The following PACRG variants were observed in gnomAD, a reference collection of about 807,000 sequenced individuals.
PACRG encodes parkin coregulated.
PACRG carries 29 observed loss-of-function variants against 29.7 expected under a neutral mutation model. That is an observed-to-expected ratio of 0.98 (90% confidence interval 0.73 to 1.33). The LOEUF (loss-of-function observed/expected upper bound fraction) is 1.33, where lower values mean the gene tolerates loss of function less well. Ranked by LOEUF, PACRG falls within the 40% of genes most tolerant of loss-of-function variation. The pLI is 0.00. For missense variants in PACRG, 279 were observed against 316.2 expected, an observed-to-expected ratio of 0.88 and a Z score of 0.89; for synonymous variants, 116 against 118.7, an observed-to-expected ratio of 0.98 and a Z score of 0.15.
intron 2 of PACRG, among the ~76,000 whole-genome samples, chr6:163,060,373 T>TAGTA (rs1206720159): frequency 6.6e-6 from 1 of 152,144 alleles, no homozygotes; most frequent in African/African-American, 2.4e-5. Context: ...ATTGGGCCTT[T>TAGTA]AGGACCTAAG....
intron 1 of PACRG, among the ~76,000 whole-genome samples, chr6:162,755,462 G>A (rs1460210931): frequency 6.6e-6 from 1 of 151,658 alleles, no homozygotes; most frequent in Non-Finnish European, 1.5e-5. Context: ...TTGAGACAGA[G>A]TCTTGCTCTG....
chr6:163,108,420 G>A (rs1208332639), intron 4 of PACRG, among the ~76,000 whole-genome samples: 18 of 107,496 alleles, frequency 1.7e-4, no homozygotes, highest in Non-Finnish European at 2.0e-4. Context: ...TTTTTTTGAC[G>A]GTGTTGCTCT....
intron 2 of PACRG, among the ~76,000 whole-genome samples, chr6:162,918,410 A>G (rs975740605): frequency 5.9e-5 from 9 of 152,228 alleles, no homozygotes; most frequent in Admixed American, 1.3e-4. Context: ...TGTTCTCATC[A>G]ATTTTAAGGA....
chr6:163,235,215 T>C (rs560958658), intron 4 of PACRG, among the ~76,000 whole-genome samples: 1 of 152,314 alleles, frequency 6.6e-6, no homozygotes, highest in South Asian at 2.1e-4. Flanking sequence ...CATTTCCTGC[T>C]GCTCTCTAAT....
intron 4 of PACRG, chr6:163,166,241 T>G (rs1451965115): frequency 4.4e-6 from 2 of 454,710 alleles, no homozygotes; most frequent in Non-Finnish European, 8.8e-6. Flanking sequence ...CCTCTTTGAC[T>G]GTTTTGTTTG....
At chr6:163,009,936 G>A (rs1805458391) in intron 2 of PACRG, among the ~76,000 whole-genome samples, 1 of 152,130 alleles carries the variant, frequency 6.6e-6, no homozygotes, top group Non-Finnish European at 1.5e-5. Flanking sequence ...TTGTGTTTAT[G>A]TGTATATATC....
chr6:163,000,292 G>C (rs937639181), intron 2 of PACRG, among the ~76,000 whole-genome samples: 4 of 152,150 alleles, frequency 2.6e-5, no homozygotes, highest in Non-Finnish European at 4.4e-5. Context: ...CAGGGTACTC[G>C]GAGGGTCAAA....
rs552368220 is a variant in PACRG, at chr6:163,263,245, C to G, written c.614-51582C>G. Among the ~76,000 whole-genome samples the G allele has an allele frequency of 9.6e-4, 146 of 151,666 alleles. 3 individuals carry two copies. The highest frequency in any genetic ancestry group is 3.2e-3 in the African/African-American group (134 of 41,274). ...CCCTTCCCTTCCCATCCCGAGAGCC[C>G]AGAAAGAATTCTGCAACTGTCTGTG... On this transcript the variant is annotated intron_variant, in intron 4 of 4. Coordinates refer to ENST00000366888, the MANE Select transcript of PACRG (RefSeq NM_001080379.2).
At chr6:162,809,019 AT>A (rs937324307) in intron 1 of PACRG, among the ~76,000 whole-genome samples, 5 of 151,732 alleles carry the variant, frequency 3.3e-5, no homozygotes, top group Admixed American at 3.3e-4. Context: ...ATTTCGCTTG[AT>A]TTTTTTTATG....
At chr6:162,774,684 T>C (rs553886548) in intron 1 of PACRG, among the ~76,000 whole-genome samples, 159 of 152,328 alleles carry the variant, frequency 1.0e-3, no homozygotes, top group African/African-American at 3.7e-3. Flanking sequence ...TAGTTAGGCT[T>C]TTTTATTCTT....
chr6:162,862,507 C>T (rs1284116567), intron 2 of PACRG, among the ~76,000 whole-genome samples: 1 of 152,180 alleles, frequency 6.6e-6, no homozygotes, highest in Non-Finnish European at 1.5e-5. Flanking sequence ...GCTGCAACAT[C>T]TAAGTTGTAC....
intron 4 of PACRG, among the ~76,000 whole-genome samples, chr6:163,284,536 G>T (rs1784328137): frequency 1.3e-5 from 2 of 152,208 alleles, no homozygotes; most frequent in African/African-American, 4.8e-5. Context: ...ACAGATTAAT[G>T]TTATTTTATT....
chr6:162,882,830 C>T (rs971632928), intron 2 of PACRG, among the ~76,000 whole-genome samples: 2 of 152,200 alleles, frequency 1.3e-5, no homozygotes, highest in South Asian at 4.1e-4. Flanking sequence ...TGTGCTCACT[C>T]GCGTCTTCCC....
chr6:162,807,953 G>T (rs182720353), intron 1 of PACRG, among the ~76,000 whole-genome samples: 54 of 152,156 alleles, frequency 3.5e-4, no homozygotes, highest in African/African-American at 1.1e-3. Flanking sequence ...TTCTTAAATT[G>T]TTATATTGTT....
intron 2 of PACRG, among the ~76,000 whole-genome samples, chr6:163,015,943 A>G (rs1806057641): frequency 6.6e-6 from 1 of 152,266 alleles, no homozygotes; most frequent in Non-Finnish European, 1.5e-5. Flanking sequence ...ATGAACATTT[A>G]CTTGGCTGAA....
At chr6:162,909,330 C>T (rs563090222) in intron 2 of PACRG, among the ~76,000 whole-genome samples, 7 of 151,974 alleles carry the variant, frequency 4.6e-5, no homozygotes, top group East Asian at 1.9e-4. Context: ...CCGACGTGGG[C>T]GAATCAAGAG....
At chr6:163,199,175 C>T (rs6937679) in intron 4 of PACRG, among the ~76,000 whole-genome samples, 62,168 of 151,872 alleles carry the variant, frequency 0.41, 14,301 homozygotes, top group African/African-American at 0.62. Context: ...TGATCATGTA[C>T]GGAATAAAGA....
chr6:163,197,289 C>T (rs74976928), intron 4 of PACRG, among the ~76,000 whole-genome samples: 5,575 of 151,996 alleles, frequency 0.037, 311 homozygotes, highest in African/African-American at 0.12. Context: ...TGCTCCAGTA[C>T]ACATCTATTT....
At chr6:163,295,214 T>C (rs1036389826) in intron 4 of PACRG, among the ~76,000 whole-genome samples, 2 of 152,262 alleles carry the variant, frequency 1.3e-5, no homozygotes, top group African/African-American at 4.8e-5. Flanking sequence ...ATAATTATTC[T>C]AGGCTACGTG....
Sources: gnomAD v4.1 joint callset for allele counts (sites outside exome capture counted in the v4.1 genomes callset) on GRCh38, gnomAD v4.1.1 for gene constraint, MANE v1.5 for transcripts, NCBI Gene and HGNC (gene_info 2026-07-23, HGNC 2026-07-21) for gene names.